The following RSRC1 variants were observed in gnomAD, a reference collection of about 807,000 sequenced individuals.
The protein encoded by RSRC1 is arginine and serine rich coiled-coil 1, also known as serine/Arginine-related protein 53.
A neutral mutation model predicts 49.1 loss-of-function variants in RSRC1; 39 were observed. The ratio of observed to expected loss-of-function variants is 0.79; its 90% confidence interval spans 0.61 to 1.04. The LOEUF (loss-of-function observed/expected upper bound fraction) is 1.04. Among genes scored for constraint, RSRC1 ranks in the 50% least tolerant of loss-of-function variants. The probability of loss-of-function intolerance (pLI) is 0.00; values close to 1 mark genes in which losing one functional copy is unlikely to be tolerated. For synonymous variants in RSRC1, 143 were observed against 130.8 expected (o/e 1.09, Z -0.63); for missense variants, 388 against 402.4 (o/e 0.96, Z 0.31).
intron 6 of RSRC1, among the ~76,000 whole-genome samples, chr3:158,424,206 G>A (rs904083688): frequency 2.6e-4 from 40 of 152,172 alleles, no homozygotes; most frequent in Admixed American, 1.1e-3. Context: ...TATGATACTG[G>A]CTGTGGGTTT....
At chr3:158,385,830 G>C (rs1732939714) in intron 6 of RSRC1, among the ~76,000 whole-genome samples, 1 of 151,988 alleles carries the variant, frequency 6.6e-6, no homozygotes, top group Non-Finnish European at 1.5e-5. Context: ...AATTGTGTTT[G>C]TCCAAATTAA....
intron 6 of RSRC1, among the ~76,000 whole-genome samples, chr3:158,429,588 A>C (rs961502545): frequency 6.7e-6 from 1 of 148,652 alleles, no homozygotes; most frequent in African/African-American, 2.5e-5. Flanking sequence ...AAAAATATAT[A>C]GTAACTTTTA....
intron 3 of RSRC1, among the ~76,000 whole-genome samples, chr3:158,179,633 T>C (rs1275406091): frequency 1.3e-5 from 2 of 152,212 alleles, no homozygotes; most frequent in African/African-American, 4.8e-5. Context: ...TCAGTTTGTT[T>C]AACTATTATC....
chr3:158,315,531 C>A (rs188922839), intron 5 of RSRC1, among the ~76,000 whole-genome samples: 1 of 152,298 alleles, frequency 6.6e-6, no homozygotes, highest in Admixed American at 6.5e-5. Context: ...CTAGACCAAG[C>A]AGGCTCCAGA....
intron 4 of RSRC1, among the ~76,000 whole-genome samples, chr3:158,286,919 T>TGG (rs1726599044): frequency 6.6e-6 from 1 of 152,166 alleles, no homozygotes; most frequent in Non-Finnish European, 1.5e-5. Context: ...CTCTGCCTCC[T>TGG]GGGTTCAAGT....
intron 3 of RSRC1, among the ~76,000 whole-genome samples, chr3:158,176,059 A>G (rs1719194568): frequency 1.3e-5 from 2 of 152,188 alleles, no homozygotes. Flanking sequence ...CTATTGCTAC[A>G]AAGAGAATAA....
At chr3:158,146,891 A>G (rs1717164251) in intron 3 of RSRC1, among the ~76,000 whole-genome samples, 1 of 152,010 alleles carries the variant, frequency 6.6e-6, no homozygotes, top group Non-Finnish European at 1.5e-5. Context: ...TATCCACAGA[A>G]ATAGAAATAT....
rs540789314 is a variant in RSRC1 at position 158,401,184 on chromosome 3, A to G, written c.583+46276A>G. On this transcript the variant is annotated intron_variant, in intron 6 of 9. Transcript: ENST00000611884. ...TATGATGGTCACACGATGAAATTCTAGCAACATATTTCTCAGAACATATCC... is the reference window on the plus strand; with the variant it reads ...TATGATGGTCACACGATGAAATTCTGGCAACATATTTCTCAGAACATATCC... Among the ~76,000 whole-genome samples, 4 of 152,142 alleles carry G rather than the reference A, an allele frequency of 2.6e-5. No individual in the cohort carries two copies. The South Asian group carries it at 6.2e-4, about 24-fold the overall frequency.
intron 4 of RSRC1, among the ~76,000 whole-genome samples, chr3:158,254,407 C>T (rs1290818329): frequency 6.6e-6 from 1 of 152,130 alleles, no homozygotes; most frequent in South Asian, 2.1e-4. Context: ...TTCTATTTCT[C>T]CACATCCTCT....
intron 4 of RSRC1, among the ~76,000 whole-genome samples, chr3:158,272,573 T>A (rs577698759): frequency 2.6e-5 from 4 of 152,220 alleles, no homozygotes; most frequent in East Asian, 1.9e-4. Flanking sequence ...TTCAAAAAAA[T>A]TTTTAATACT....
chr3:158,527,794 A>G (rs1363509553), intron 7 of RSRC1, among the ~76,000 whole-genome samples: 1 of 151,966 alleles, frequency 6.6e-6, no homozygotes, highest in African/African-American at 2.4e-5. Context: ...ACCCTTGCAA[A>G]TATGTATAAT....
chr3:158,345,226 C>CA (rs571012725), intron 5 of RSRC1, among the ~76,000 whole-genome samples: 476 of 119,894 alleles, frequency 4.0e-3, no homozygotes, highest in East Asian at 0.018. Flanking sequence ...GATTCTGTCT[C>CA]AAAAAAAAAA....
At chr3:158,325,526 AT>A (rs1729077706) in intron 5 of RSRC1, among the ~76,000 whole-genome samples, 1 of 152,190 alleles carries the variant, frequency 6.6e-6, no homozygotes, top group Admixed American at 6.5e-5. Context: ...TTTGTCAAAG[AT>A]CAGATGGTTG....
At chr3:158,310,727 A>C (rs1369487045) in intron 5 of RSRC1, among the ~76,000 whole-genome samples, 2 of 151,816 alleles carry the variant, frequency 1.3e-5, no homozygotes, top group African/African-American at 4.8e-5. Flanking sequence ...CATTTAAAGA[A>C]TGTTATATAA....
chr3:158,296,508 T>C (rs1297199726), intron 4 of RSRC1, among the ~76,000 whole-genome samples: 1 of 152,112 alleles, frequency 6.6e-6, no homozygotes, highest in Non-Finnish European at 1.5e-5. Flanking sequence ...TATATGTTAA[T>C]ACTTTTTGGT....
chr3:158,191,033 C>T (rs1439400804), intron 3 of RSRC1, among the ~76,000 whole-genome samples: 1 of 151,980 alleles, frequency 6.6e-6, no homozygotes, highest in Non-Finnish European at 1.5e-5. Context: ...AGTGATTCTC[C>T]TGCCTCAGAC....
intron 5 of RSRC1, among the ~76,000 whole-genome samples, chr3:158,336,242 C>T (rs1729880972): frequency 6.6e-6 from 1 of 152,246 alleles, no homozygotes; most frequent in Admixed American, 6.5e-5. Context: ...CCTCTCCATT[C>T]ATTGGTCCGG....
chr3:158,247,435 A>T (rs1230529110), intron 4 of RSRC1, among the ~76,000 whole-genome samples: 1 of 152,138 alleles, frequency 6.6e-6, no homozygotes, highest in Non-Finnish European at 1.5e-5. Flanking sequence ...TCATTTGGAG[A>T]AAACGGCAAT....
chr3:158,224,839 G>A (rs1273068010), intron 4 of RSRC1, among the ~76,000 whole-genome samples: 3 of 151,824 alleles, frequency 2.0e-5, no homozygotes, highest in Non-Finnish European at 4.4e-5. Flanking sequence ...TATAGCAGGT[G>A]ATAAATTTAT....
Sources: gnomAD v4.1 joint callset for allele counts (sites outside exome capture counted in the v4.1 genomes callset) on GRCh38, gnomAD v4.1.1 for gene constraint, MANE v1.5 for transcripts, NCBI Gene and HGNC (gene_info 2026-07-23, HGNC 2026-07-21) for gene names.